The following AFF1 variants were observed in gnomAD, a reference collection of about 807,000 sequenced individuals.
AFF1 encodes AF4/FMR2 family member 1.
Under a neutral mutation model 121.7 loss-of-function variants are expected in AFF1, and 48 were observed. The ratio of observed to expected loss-of-function variants is 0.39; its 90% CI spans 0.31 to 0.50. AFF1 has a LOEUF of 0.50. Ranked by LOEUF, AFF1 falls within the 20% of genes least tolerant of loss-of-function variation. AFF1 has a pLI of 0.76. For missense variants in AFF1, 1,523 were observed against 1,511.7 expected, an observed-to-expected ratio of 1.01 and a Z score of -0.12; for synonymous variants, 613 against 563.0, an observed-to-expected ratio of 1.09 and a Z score of -1.26.
chr4:86,946,667 C>T (rs1720886087), intron 1 of AFF1, among the ~76,000 whole-genome samples: 1 of 152,092 alleles, frequency 6.6e-6, no homozygotes, highest in African/African-American at 2.4e-5. Context: ...GCTGGGATTA[C>T]AGGTGCACAC....
chr4:87,132,280 C>G lies in AFF1; in HGVS notation c.3183C>G (p.Cys1061Trp). 6.2e-7 allele frequency: 1 copy of G among 1,612,020 alleles called. No individual in the cohort carries two copies. Among genetic ancestry groups the G allele is most frequent in the Non-Finnish European group, 8.5e-7 (1 of 1,179,266 alleles). Residue 1061 changes from cysteine to tryptophan, a missense_variant, in exon 19 of 21, where the codon TGC becomes TGG. Physicochemically the swap from Cys to Trp is radical, Grantham distance 215. Transcript: ENST00000395146. ...EKIFAVLCMR[C>W]QSILNMAMFR... is the part of the protein sequence containing the mutation. ...CTGTCTTTGTTCATAGCATGCGTTGCCAGTCCATTTTGAACATGGCGATGT... is the reference window on the plus strand; with the variant it reads ...CTGTCTTTGTTCATAGCATGCGTTGGCAGTCCATTTTGAACATGGCGATGT...
chr4:87,105,488 G>A (rs2149745340), intron 8 of AFF1, 140 bp from the exon 9 acceptor site: 1 of 817,746 alleles, frequency 1.2e-6, no homozygotes, highest in South Asian at 1.7e-5. Flanking sequence ...TTTTCAGGAA[G>A]TCACAGCCTT....
intron 7 of AFF1, among the ~76,000 whole-genome samples, chr4:87,093,818 C>G (rs62306532): frequency 0.029 from 4,372 of 152,288 alleles, 87 homozygotes; most frequent in Non-Finnish European, 0.038. Flanking sequence ...CTAAAAGGTA[C>G]CCATGTTTCT....
chr4:87,007,461 C>T, intron 2 of AFF1: 1 of 1,613,442 alleles, frequency 6.2e-7, no homozygotes, highest in Non-Finnish European at 8.5e-7. Flanking sequence ...CAAACGCGTT[C>T]GTGGCGAGGG....
chr4:87,007,570 C>T (rs1726291635), intron 2 of AFF1: 2 of 1,118,988 alleles, frequency 1.8e-6, no homozygotes, highest in African/African-American at 3.1e-5. Flanking sequence ...TGTGGCTTGA[C>T]TAAATGTCAG....
At chr4:87,003,959 A>G (rs1402779001) in intron 2 of AFF1, among the ~76,000 whole-genome samples, 1 of 152,256 alleles carries the variant, frequency 6.6e-6, no homozygotes, top group Non-Finnish European at 1.5e-5. Context: ...AGACTGAACC[A>G]AAAACTTCTT....
intron 4 of AFF1, among the ~76,000 whole-genome samples, chr4:87,080,278 G>T (rs1202493552): frequency 6.6e-6 from 1 of 152,178 alleles, no homozygotes; most frequent in East Asian, 1.9e-4. Flanking sequence ...GAAAGAGCTA[G>T]CCAGAGAAGG....
chr4:87,101,066 C>G (rs560019212), intron 8 of AFF1, among the ~76,000 whole-genome samples: 1 of 152,174 alleles, frequency 6.6e-6, no homozygotes, highest in Non-Finnish European at 1.5e-5. Flanking sequence ...GAAAGTTTCC[C>G]ATGAACTTGA....
Position 87,070,840 on chromosome 4 carries a change from A to G in AFF1, c.1060-13280A>G, listed in dbSNP as rs539956731. Among the ~76,000 whole-genome samples the G allele has an allele frequency of 5.3e-5, 8 of 152,308 alleles. No homozygotes were observed. In the East Asian group the frequency reaches 5.8e-4, roughly 11 times the overall value. The stretch of plus-strand genomic sequence containing the variant: ...ATTCAGCATAGTTTGTGATCTGTCT[A>G]TATTTGTAGGGGGTGTAAATTTATG... On this transcript the variant is annotated intron_variant, in intron 4 of 20. Transcript: ENST00000395146.
At chr4:87,000,914 G>C (rs1389940390) in intron 2 of AFF1, among the ~76,000 whole-genome samples, 1 of 152,072 alleles carries the variant, frequency 6.6e-6, no homozygotes, top group Non-Finnish European at 1.5e-5. Flanking sequence ...CTTTATTCTT[G>C]AACCAAACAG....
At chr4:86,997,383 C>G (rs893032262) in intron 2 of AFF1, among the ~76,000 whole-genome samples, 1 of 152,194 alleles carries the variant, frequency 6.6e-6, no homozygotes, top group African/African-American at 2.4e-5. Flanking sequence ...GAATAAATTC[C>G]TTTTTAAAAT....
intron 2 of AFF1, among the ~76,000 whole-genome samples, chr4:87,045,159 C>T (rs1291518775): frequency 6.6e-6 from 1 of 152,140 alleles, no homozygotes; most frequent in African/African-American, 2.4e-5. Flanking sequence ...CGTCTGACAT[C>T]AGGGCTAGAA....
chr4:86,986,057 A>AT (rs1165544010), intron 2 of AFF1, among the ~76,000 whole-genome samples: 3 of 151,034 alleles, frequency 2.0e-5, no homozygotes, highest in Admixed American at 2.0e-4. Flanking sequence ...ATTTAATTTA[A>AT]TTTAATTTAA....
intron 6 of AFF1, among the ~76,000 whole-genome samples, chr4:87,091,159 C>G (rs1724265181): frequency 6.6e-6 from 1 of 151,854 alleles, no homozygotes. Context: ...AATCCCAGGA[C>G]TTTGGGAGGC....
intron 2 of AFF1, among the ~76,000 whole-genome samples, chr4:87,024,601 CT>C (rs35375321): frequency 0.13 from 20,476 of 151,806 alleles, 1,863 homozygotes; most frequent in Middle Eastern, 0.23. Flanking sequence ...TAGGATCCTG[CT>C]TTTTTTTGAG....
At chr4:87,022,335 G>A (rs965283720) in intron 2 of AFF1, among the ~76,000 whole-genome samples, 10 of 151,366 alleles carry the variant, frequency 6.6e-5, no homozygotes, top group Non-Finnish European at 1.3e-4. Flanking sequence ...AGTTAACAGA[G>A]ATATTAACAC....
intron 2 of AFF1, among the ~76,000 whole-genome samples, chr4:86,980,959 C>CA (rs1553912244): frequency 6.7e-6 from 1 of 148,826 alleles, no homozygotes; most frequent in Non-Finnish European, 1.5e-5. Context: ...CCCCCCCCTC[C>CA]ACCAAAAAAA....
chr4:86,949,109 C>T lies in AFF1; in HGVS notation c.38+538C>T, dbSNP rs778770922. Among the ~76,000 whole-genome samples the T allele has an allele frequency of 4.0e-5, 6 of 151,448 alleles. No individual in the cohort carries two copies. In the South Asian group the frequency reaches 8.3e-4, roughly 21 times the overall value. On this transcript the variant is annotated intron_variant, in intron 2 of 20. Transcript: ENST00000395146. ...TTTACATAATAACTCATTTGACATT[C>T]GGAAAGAATTGTTATCACTGATTAG...
intron 2 of AFF1, among the ~76,000 whole-genome samples, chr4:87,033,996 G>A (rs1468241268): frequency 1.3e-5 from 2 of 152,176 alleles, no homozygotes; most frequent in South Asian, 4.1e-4. Context: ...ATTCTTCCTT[G>A]GGATGGGTGC....
Sources: allele counts gnomAD v4.1 joint callset (sites outside exome capture counted in the v4.1 genomes callset), GRCh38; gene constraint gnomAD v4.1.1; transcripts MANE v1.5; gene names NCBI Gene and HGNC (gene_info 2026-07-23, HGNC 2026-07-21).